Variants in GAK observed in about 807,000 individuals in gnomAD.
The protein encoded by GAK is cyclin-G-associated kinase.
A neutral mutation model predicts 143.9 loss-of-function variants in GAK; 79 were observed. The observed-to-expected ratio is 0.55, with a 90% CI of 0.46 to 0.66. GAK has a LOEUF of 0.66. GAK is among the 30% of genes least tolerant of loss of function. The pLI is 0.00. For missense variants in GAK, 1,693 were observed against 1,779.7 expected, an observed-to-expected ratio of 0.95 and a Z score of 0.88; for synonymous variants, 881 against 765.5, an observed-to-expected ratio of 1.15 and a Z score of -2.49.
chr4:881,709 C>T (rs1469935001), intron 15 of GAK, among the ~76,000 whole-genome samples, 198 bp downstream of exon 15: 1 of 152,268 alleles, frequency 6.6e-6, no homozygotes, highest in East Asian at 1.9e-4. Flanking sequence ...TCAGGACTAC[C>T]GCGGCTGAGG....
chr4:876,090 G>A (rs1713804080), intron 18 of GAK, among the ~76,000 whole-genome samples: 1 of 152,182 alleles, frequency 6.6e-6, no homozygotes, highest in South Asian at 2.1e-4. Flanking sequence ...AACAGGTGCT[G>A]GGCATGGCAG....
At chr4:897,949 C>G in intron 6 of GAK, 84 bp downstream of exon 6, 1 of 1,446,430 alleles carries the variant, frequency 6.9e-7, no homozygotes, top group Non-Finnish European at 9.3e-7. Context: ...CTCAAAGCAC[C>G]CCGGCGGAAA....
intron 5 of GAK, among the ~76,000 whole-genome samples, chr4:901,066 T>A (rs1386276832): frequency 6.6e-6 from 1 of 152,224 alleles, no homozygotes; most frequent in African/African-American, 2.4e-5. Flanking sequence ...TTTCAAAATC[T>A]ACGTGAAGAC....
intron 24 of GAK, among the ~76,000 whole-genome samples, chr4:855,252 CTT>C (rs1748932083): frequency 6.6e-6 from 1 of 151,912 alleles, no homozygotes; most frequent in Non-Finnish European, 1.5e-5. Flanking sequence ...CCTCTGGTCT[CTT>C]TCGCCACGGT....
chr4:854,784 G>A (rs1748833857), intron 24 of GAK, among the ~76,000 whole-genome samples: 1 of 152,190 alleles, frequency 6.6e-6, no homozygotes, highest in Non-Finnish European at 1.5e-5. Flanking sequence ...GGTGGCTCAC[G>A]CCTGTAATCC....
At chr4:876,786 A>G (rs1202149014) in intron 17 of GAK, among the ~76,000 whole-genome samples, 177 bp from the exon 18 acceptor site, 1 of 152,210 alleles carries the variant, frequency 6.6e-6, no homozygotes, top group Non-Finnish European at 1.5e-5. Context: ...TGTGGCAGGT[A>G]ACCCTGAGGA....
chr4:899,716 AG>A (rs1719502156), intron 5 of GAK, among the ~76,000 whole-genome samples: 1 of 152,258 alleles, frequency 6.6e-6, no homozygotes, highest in Non-Finnish European at 1.5e-5. Flanking sequence ...GGGGACGCCC[AG>A]GGTTAGATGC....
intron 1 of GAK, among the ~76,000 whole-genome samples, chr4:921,969 A>G (rs1350680446): frequency 2.0e-5 from 3 of 152,234 alleles, no homozygotes; most frequent in Non-Finnish European, 4.4e-5. Context: ...AGGTATCGCT[A>G]CACATGTATC....
intron 4 of GAK, among the ~76,000 whole-genome samples, chr4:908,068 C>T (rs1475925404): frequency 6.6e-6 from 1 of 152,212 alleles, no homozygotes; most frequent in Non-Finnish European, 1.5e-5. Flanking sequence ...CCGTCCTGCT[C>T]AAGCCTTCCA....
chr4:877,040 T>C (rs1242561159), intron 17 of GAK, 50 bp downstream of exon 17: 18 of 1,299,896 alleles, frequency 1.4e-5, no homozygotes, highest in Non-Finnish European at 2.0e-5. Context: ...CAGCCCCCCA[T>C]GAGCCTAGGC....
chr4:885,453 C>T (rs543835786), intron 11 of GAK, among the ~76,000 whole-genome samples: 1 of 152,332 alleles, frequency 6.6e-6, no homozygotes, highest in East Asian at 1.9e-4. Flanking sequence ...CAAGCTGACA[C>T]GCCTTAAGCA....
chr4:886,666 C>A (rs958107002), intron 11 of GAK: 1 of 152,310 alleles, frequency 6.6e-6, no homozygotes, highest in African/African-American at 2.4e-5. Flanking sequence ...ACCAAGATGA[C>A]GCTGGAGAGT....
intron 26 of GAK, 104 bp from the exon 27 acceptor site, chr4:850,172 G>T: frequency 2.5e-6 from 3 of 1,194,926 alleles, no homozygotes; most frequent in Non-Finnish European, 3.5e-6. Flanking sequence ...TGGTCACGTG[G>T]GGTGGGCTCA....
At chr4:905,477 T>C (rs2008478) in intron 4 of GAK, among the ~76,000 whole-genome samples, 79,854 of 138,952 alleles carry the variant, frequency 0.57, 23,658 homozygotes, top group South Asian at 0.74. Flanking sequence ...CCCCATGCCA[T>C]GCTACGGACT....
intron 7 of GAK, among the ~76,000 whole-genome samples, chr4:895,149 C>A (rs11726508): frequency 1.3e-5 from 2 of 152,076 alleles, no homozygotes. Context: ...ACAGCAGAGA[C>A]CCACTTTTCA....
At chr4:876,871 C>T (rs888586576) in intron 17 of GAK, among the ~76,000 whole-genome samples, 3 of 152,254 alleles carry the variant, frequency 2.0e-5, no homozygotes, top group African/African-American at 4.8e-5. Flanking sequence ...AACTCAGTCT[C>T]GATGGAAACG....
chr4:925,365 G>A (rs1724549097), intron 1 of GAK, among the ~76,000 whole-genome samples: 1 of 152,178 alleles, frequency 6.6e-6, no homozygotes. Flanking sequence ...CCTCTCACCA[G>A]GATGCGTGTA....
chr4:880,820 G>A (rs183019009), intron 15 of GAK, among the ~76,000 whole-genome samples: 26 of 152,212 alleles, frequency 1.7e-4, no homozygotes, highest in Non-Finnish European at 2.6e-4. Context: ...CTCCAAGGAA[G>A]GAGCTGTGGG....
chr4:851,204 C>A (rs899876364), intron 25 of GAK, 120 bp from the exon 26 acceptor site: 17 of 798,132 alleles, frequency 2.1e-5, no homozygotes, highest in Non-Finnish European at 3.3e-5. Flanking sequence ...CTCAAGCGAT[C>A]CTCTTGCCTC....
Sources: allele counts gnomAD v4.1 joint callset (sites outside exome capture counted in the v4.1 genomes callset), GRCh38; gene constraint gnomAD v4.1.1; transcripts MANE v1.5; gene names NCBI Gene and HGNC (gene_info 2026-07-23, HGNC 2026-07-21).